ANO3: variants seen among roughly 807,000 people sequenced by gnomAD.
The protein encoded by ANO3 is anoctamin-3.
Under a neutral mutation model 144.8 loss-of-function variants are expected in ANO3, and 99 were observed. The ratio of observed to expected loss-of-function variants is 0.68; its 90% CI spans 0.58 to 0.81. The LOEUF (loss-of-function observed/expected upper bound fraction) is 0.81. ANO3 is among the 30% of genes least tolerant of loss of function. The pLI is 0.00. For missense variants in ANO3, 905 were observed against 1,202.2 expected, an observed-to-expected ratio of 0.75 and a Z score of 3.66; for synonymous variants, 414 against 392.6, an observed-to-expected ratio of 1.05 and a Z score of -0.64.
chr11:26,259,036 T>G (rs1564937320), intron 1 of ANO3, among the ~76,000 whole-genome samples: 1 of 152,206 alleles, frequency 6.6e-6, no homozygotes, highest in African/African-American at 2.4e-5. Flanking sequence ...AAACAATGAT[T>G]GTCCATTCTT....
chr11:26,277,868 A>T (rs547840704), intron 1 of ANO3, among the ~76,000 whole-genome samples: 1 of 152,238 alleles, frequency 6.6e-6, no homozygotes, highest in Non-Finnish European at 1.5e-5. Context: ...GATCAAAAAA[A>T]TACCCAGTAA....
At chr11:26,466,713 T>C (rs1473408524) in intron 4 of ANO3, among the ~76,000 whole-genome samples, 10 of 151,928 alleles carry the variant, frequency 6.6e-5, no homozygotes, top group Non-Finnish European at 1.5e-4. Flanking sequence ...CCAGAAGAGC[T>C]ACCCCGCTGA....
chr11:26,344,011 T>G (rs1174823638), intron 1 of ANO3, among the ~76,000 whole-genome samples: 4 of 152,202 alleles, frequency 2.6e-5, no homozygotes, highest in Non-Finnish European at 5.9e-5. Context: ...CTTAGGCCGA[T>G]TTTTAAAAAA....
At position 26,332,444 on chromosome 11, in the gene ANO3, T is replaced by TAAA. The variant is rs56225203; in HGVS notation, c.46+137_46+139dup. 0.048 allele frequency: 29,173 copies of TAAA among 603,458 alleles called. 69 individuals are homozygous for TAAA. Among genetic ancestry groups the TAAA allele is most frequent in the South Asian group, 0.063 (2,694 of 42,704 alleles). 37.4% of individuals were successfully genotyped at this position (603,458 alleles called of 1,614,324 possible). A position where few individuals can be genotyped will look rare whatever the true frequency, so the allele number is the denominator to read the frequency against. ...ACAGAGGTGGGGAACTCTGTGAAGT[T>TAAA]AAAAAAAAAAAAAAAATTAAATTCC... On this transcript the variant is annotated intron_variant, in intron 1 of 26. Coordinates refer to ENST00000256737, the MANE Select transcript of ANO3 (RefSeq NM_031418.4).
chr11:26,531,950 A>G (rs1170827621), intron 8 of ANO3, among the ~76,000 whole-genome samples: 10 of 152,186 alleles, frequency 6.6e-5, no homozygotes, highest in Admixed American at 6.5e-4. Flanking sequence ...TCTATCTTCA[A>G]GGTACACCCA....
chr11:26,531,401 A>C, intron 8 of ANO3, 65 bp downstream of exon 8: 1 of 1,513,312 alleles, frequency 6.6e-7, no homozygotes, highest in Non-Finnish European at 8.9e-7. Context: ...TTATAGAATA[A>C]AAACACCTGG....
At chr11:26,653,545 T>C (rs1447196055) in intron 24 of ANO3, among the ~76,000 whole-genome samples, 1 of 152,156 alleles carries the variant, frequency 6.6e-6, no homozygotes, top group East Asian at 1.9e-4. Flanking sequence ...AGTGTCTTCT[T>C]ATTTCACTCT....
intron 1 of ANO3, among the ~76,000 whole-genome samples, chr11:26,250,055 G>A (rs1395656866): frequency 6.6e-6 from 1 of 152,172 alleles, no homozygotes; most frequent in Non-Finnish European, 1.5e-5. Context: ...AAGGCCACTG[G>A]CTAGAACTAT....
intron 3 of ANO3, chr11:26,460,100 C>G (rs1444471439): frequency 2.2e-6 from 1 of 454,580 alleles, no homozygotes; most frequent in South Asian, 1.6e-5. Flanking sequence ...CAAACCATAT[C>G]CAAGTCATAG....
chr11:26,588,724 TA>T (rs11323695), intron 14 of ANO3, among the ~76,000 whole-genome samples: 133,006 of 152,216 alleles, frequency 0.87, 58,444 homozygotes, highest in East Asian at 0.96. Context: ...TACACTACAT[TA>T]AAAAACCTTA....
At chr11:26,655,022 G>T (rs1231039865) in intron 24 of ANO3, among the ~76,000 whole-genome samples, 4 of 152,234 alleles carry the variant, frequency 2.6e-5, no homozygotes, top group South Asian at 2.1e-4. Flanking sequence ...AGTTTGAGAG[G>T]CTGTGTGTTA....
chr11:26,372,733 G>A (rs1461372), intron 1 of ANO3, among the ~76,000 whole-genome samples: 141,902 of 152,246 alleles, frequency 0.93, 66,301 homozygotes, highest in East Asian at 1. Flanking sequence ...AGTAAAGGAC[G>A]TGCATAACAT....
intron 1 of ANO3, among the ~76,000 whole-genome samples, chr11:26,419,579 A>G (rs867275007): frequency 1.5e-4 from 23 of 152,236 alleles, no homozygotes; most frequent in Admixed American, 2.6e-4. Context: ...ATGCAGACCC[A>G]GTGCAAAGTA....
At chr11:26,647,623 TA>T in intron 23 of ANO3, 85 bp from the exon 24 acceptor site, 1 of 1,335,284 alleles carries the variant, frequency 7.5e-7, no homozygotes, top group Non-Finnish European at 1.0e-6. Flanking sequence ...CCAACATAAG[TA>T]AAACATTATT....
intron 1 of ANO3, among the ~76,000 whole-genome samples, chr11:26,349,776 CTGACCT>C (rs1855590809): frequency 2.0e-5 from 3 of 152,096 alleles, no homozygotes; most frequent in Non-Finnish European, 2.9e-5. Flanking sequence ...TCTCGATCTC[CTGACCT>C]CGTGATCCGC....
chr11:26,587,628 G>T (rs188890128), intron 14 of ANO3, among the ~76,000 whole-genome samples: 2 of 152,224 alleles, frequency 1.3e-5, no homozygotes, highest in East Asian at 1.9e-4. Context: ...GCCCCTCACT[G>T]CAAGATAGGT....
chr11:26,588,460 TATTAAA>T lies in ANO3; in HGVS notation c.1448-9901_1448-9896del, dbSNP rs1254902130. On this transcript the variant is annotated intron_variant, in intron 14 of 26. Coordinates refer to ENST00000256737, the MANE Select transcript of ANO3 (RefSeq NM_031418.4). ...GGATTTTTAACAAAGGTTACCTCAA[TATTAAA>T]ATTGAAAGTGGACACCCTACTTTCT... Among the ~76,000 whole-genome samples, 4 of 152,326 alleles carry T rather than the reference TATTAAA, an allele frequency of 2.6e-5. No homozygotes were observed. In the East Asian group the frequency reaches 5.8e-4, roughly 22 times the overall value.
chr11:26,209,869 T>G (rs1851895720), intron 1 of ANO3, among the ~76,000 whole-genome samples: 1 of 152,172 alleles, frequency 6.6e-6, no homozygotes, highest in Admixed American at 6.5e-5. Context: ...TTTAAGTTCT[T>G]TGTAGATTCT....
intron 1 of ANO3, among the ~76,000 whole-genome samples, chr11:26,202,588 G>A (rs1171566076): frequency 6.6e-6 from 1 of 151,606 alleles, no homozygotes; most frequent in African/African-American, 2.4e-5. Flanking sequence ...AAAGTATACA[G>A]TGGAGGGGAC....
Sources: gnomAD v4.1 joint callset for allele counts (sites outside exome capture counted in the v4.1 genomes callset) on GRCh38, gnomAD v4.1.1 for gene constraint, MANE v1.5 for transcripts, NCBI Gene and HGNC (gene_info 2026-07-23, HGNC 2026-07-21) for gene names.